Variants in AGAP1 observed in about 807,000 individuals in gnomAD.
AGAP1 encodes arf-GAP with GTPase, ANK repeat and PH domain-containing protein 1.
Under a neutral mutation model 105.3 loss-of-function variants are expected in AGAP1, and 29 were observed. The ratio of observed to expected loss-of-function variants is 0.28; its 90% CI spans 0.21 to 0.38. The LOEUF is 0.38. Ranked by LOEUF, AGAP1 falls within the 10% of genes least tolerant of loss-of-function variation. The pLI, the probability that AGAP1 is intolerant of heterozygous loss-of-function variation, is 1.00. For missense variants in AGAP1, 998 were observed against 1,165.1 expected (o/e 0.86, Z 2.09); for synonymous variants, 509 against 485.9 (o/e 1.05, Z -0.63).
Position 235,855,100 on chromosome 2 carries a change from G to C in AGAP1, c.1051-28245G>C, listed in dbSNP as rs970908847. 4.6e-5 allele frequency among the ~76,000 whole-genome samples: 7 copies of C among 152,214 alleles called. No individual in the cohort carries two copies. The highest frequency in any genetic ancestry group is 4.6e-4 in the Admixed American group (7 of 15,286). On this transcript the variant is annotated intron_variant, in intron 9 of 17. Coordinates refer to ENST00000304032, the MANE Select transcript of AGAP1 (RefSeq NM_001037131.3). This position sits in a 1 kb window ranked among gnomAD's most constrained non-coding sequence, Gnocchi z 5.0. ...TATTTCGTGAAGGAACAGAAAAGTA[G>C]AAAAGGTTTAAAGGCAAAAAAAGCT...
At chr2:235,812,849 C>T (rs955894141) in intron 9 of AGAP1, among the ~76,000 whole-genome samples, 1 of 152,238 alleles carries the variant, frequency 6.6e-6, no homozygotes, top group African/African-American at 2.4e-5. Flanking sequence ...CGATGTCCAC[C>T]CACGTGGCAA....
chr2:235,893,404 G>A lies in AGAP1; in HGVS notation c.1155+9955G>A, dbSNP rs189656975. Reference sequence around the variant, plus strand: ...GCTGTGTCTGTGGCGTGGGTGTAGCGTGTCTTTGGTGTGGGTGTGCCGTGT... The same window carrying A: ...GCTGTGTCTGTGGCGTGGGTGTAGCATGTCTTTGGTGTGGGTGTGCCGTGT... On this transcript the variant is annotated intron_variant, in intron 10 of 17. Transcript: ENST00000304032. The surrounding 1 kb of genome is among the most constrained non-coding windows in gnomAD (Gnocchi z 4.7). Among the ~76,000 whole-genome samples the A allele has an allele frequency of 1.0e-4, 15 of 148,528 alleles. No individual in the cohort carries two copies. The highest frequency in any genetic ancestry group is 7.4e-3 in the Middle Eastern group (2 of 272).
chr2:235,529,932 G>T (rs1007315695), intron 1 of AGAP1, among the ~76,000 whole-genome samples: 1 of 152,156 alleles, frequency 6.6e-6, no homozygotes, highest in Non-Finnish European at 1.5e-5. Context: ...GTCCTCTGGA[G>T]ATTGAAAGGT....
chr2:236,024,648 G>GA (rs1014371644), intron 13 of AGAP1, among the ~76,000 whole-genome samples: 1 of 151,562 alleles, frequency 6.6e-6, no homozygotes, highest in Non-Finnish European at 1.5e-5. Flanking sequence ...TAACCTTTAA[G>GA]AAAAAAAAAG....
At chr2:236,111,769 G>A (rs2125938266) in intron 16 of AGAP1, among the ~76,000 whole-genome samples, 1 of 145,088 alleles carries the variant, frequency 6.9e-6, no homozygotes, top group South Asian at 2.2e-4. Context: ...TCCAGCCTAG[G>A]CAACAGTGCG....
rs1945707630 is a variant in AGAP1 at position 235,600,908 on chromosome 2, A to G, written c.163+106059A>G. On this transcript the variant is annotated intron_variant, in intron 1 of 17. Coordinates refer to ENST00000304032, the MANE Select transcript of AGAP1 (RefSeq NM_001037131.3). This position sits in a 1 kb window ranked among gnomAD's most constrained non-coding sequence, Gnocchi z 4.8. ...CTCAGTATTAACCAGCATACCCACCATTGTTTCACCTGCAGCCTCCCCCAT... is the reference window on the plus strand; with the variant it reads ...CTCAGTATTAACCAGCATACCCACCGTTGTTTCACCTGCAGCCTCCCCCAT... Among the ~76,000 whole-genome samples, 1 of 152,034 alleles carries G rather than the reference A, an allele frequency of 6.6e-6. No individual in the cohort carries two copies. The highest frequency in any genetic ancestry group is 2.4e-5 in the African/African-American group (1 of 41,396).
chr2:235,548,834 TG>T (rs1388185191), intron 1 of AGAP1, among the ~76,000 whole-genome samples: 1 of 152,218 alleles, frequency 6.6e-6, no homozygotes. Flanking sequence ...AGGGGTGCTC[TG>T]GGACGTGGGT....
At chr2:235,704,623 C>T (rs1950432184) in intron 1 of AGAP1, among the ~76,000 whole-genome samples, 1 of 129,818 alleles carries the variant, frequency 7.7e-6, no homozygotes, top group Non-Finnish European at 1.8e-5. Context: ...TCCAGCCTGG[C>T]AACAGAGCGA....
rs1053282797 is a variant in AGAP1 at position 235,739,377 on chromosome 2, G to A, written c.311-1586G>A. ...TGCCTACGAGGACTCTCGATTCAGG[G>A]ACCCTGAGTCTTTGGGACCCTCGTG... On this transcript the variant is annotated intron_variant, in intron 3 of 17. Transcript: ENST00000304032. The surrounding 1 kb of genome is among the most constrained non-coding windows in gnomAD (Gnocchi z 5.3). Among the ~76,000 whole-genome samples, 1 of 152,216 alleles carries A rather than the reference G, an allele frequency of 6.6e-6. No individual in the cohort carries two copies. Among genetic ancestry groups the A allele is most frequent in the Non-Finnish European group, 1.5e-5 (1 of 68,046 alleles).
At chr2:235,856,195 A>G (rs1408241027) in intron 9 of AGAP1, among the ~76,000 whole-genome samples, 1 of 152,174 alleles carries the variant, frequency 6.6e-6, no homozygotes, top group Non-Finnish European at 1.5e-5. Flanking sequence ...TACAGGCGTG[A>G]GCCACCGCAC....
intron 9 of AGAP1, among the ~76,000 whole-genome samples, chr2:235,849,953 C>G (rs1232902675): frequency 6.6e-6 from 1 of 152,228 alleles, no homozygotes; most frequent in African/African-American, 2.4e-5. Flanking sequence ...TCTCACTTTT[C>G]CCTCTCAGCC....
In AGAP1 at chr2:235,719,786, T is replaced by G. The variant is rs1225160830; in HGVS notation, c.310+2142T>G. On this transcript the variant is annotated intron_variant, in intron 3 of 17. Coordinates refer to ENST00000304032, the MANE Select transcript of AGAP1 (RefSeq NM_001037131.3). The surrounding 1 kb of genome is among the most constrained non-coding windows in gnomAD (Gnocchi z 4.9). ...TGGCCTCTCACCTTTTGACTCGAGG[T>G]CCCAGGGATTGTTCTGTGGGAGTGT... Among the ~76,000 whole-genome samples the G allele has an allele frequency of 6.6e-6, 1 of 152,026 alleles. No individual in the cohort carries two copies. Among genetic ancestry groups the G allele is most frequent in the African/African-American group, 2.4e-5 (1 of 41,374 alleles).
intron 1 of AGAP1, among the ~76,000 whole-genome samples, chr2:235,647,532 C>T (rs543518124): frequency 6.6e-6 from 1 of 152,142 alleles, no homozygotes; most frequent in East Asian, 1.9e-4. Context: ...GGACTACAGG[C>T]GCACACCACC....
chr2:235,688,947 G>A (rs1446341975), intron 1 of AGAP1, among the ~76,000 whole-genome samples: 1 of 152,200 alleles, frequency 6.6e-6, no homozygotes, highest in Non-Finnish European at 1.5e-5. Flanking sequence ...CCGCACCCGT[G>A]TAACGTTCGC....
chr2:235,777,122 G>A lies in AGAP1; in HGVS notation c.674-20637G>A, dbSNP rs1955936858. The A allele has an allele frequency of 8.6e-6, 4 of 462,766 alleles. No homozygotes were observed. The highest frequency in any genetic ancestry group is 2.4e-5 in the Admixed American group (1 of 42,034). The allele number at this position is 462,766 out of a possible 1,614,324, so 28.7% of individuals were successfully genotyped here. A position where few individuals can be genotyped will look rare whatever the true frequency, so the allele number is the denominator to read the frequency against. On this transcript the variant is annotated intron_variant, in intron 6 of 17. Transcript: ENST00000304032. This position sits in a 1 kb window ranked among gnomAD's most constrained non-coding sequence, Gnocchi z 5.1. ...GCCTGTAATTCCAGCACTTTGAGAG[G>A]CCAAGGCGGGTGGATCACGAGGTCA...
At chr2:236,108,143 C>T (rs909738490) in intron 16 of AGAP1, among the ~76,000 whole-genome samples, 2 of 152,244 alleles carry the variant, frequency 1.3e-5, no homozygotes, top group Non-Finnish European at 2.9e-5. Flanking sequence ...TCCGCCTGAC[C>T]CCCTAGCAAC....
Position 235,732,503 on chromosome 2 carries a change from C to T in AGAP1, c.311-8460C>T, listed in dbSNP as rs866546710. Among the ~76,000 whole-genome samples the T allele has an allele frequency of 5.3e-5, 8 of 152,114 alleles. No homozygotes were observed. Among genetic ancestry groups the T allele is most frequent in the Non-Finnish European group, 8.8e-5 (6 of 68,036 alleles). ...TCTTAAGTCACACTGGAGTGGGAAG[C>T]GGTTGTAAGGGACTTCCTTCTGCTT... On this transcript the variant is annotated intron_variant, in intron 3 of 17. Coordinates refer to ENST00000304032, the MANE Select transcript of AGAP1 (RefSeq NM_001037131.3). This position sits in a 1 kb window ranked among gnomAD's most constrained non-coding sequence, Gnocchi z 4.8.
chr2:235,903,633 ACT>A (rs1364408965), intron 10 of AGAP1, among the ~76,000 whole-genome samples: 1 of 152,138 alleles, frequency 6.6e-6, no homozygotes, highest in Non-Finnish European at 1.5e-5. Flanking sequence ...ACTAAGATGA[ACT>A]CACCATTTAC....
chr2:235,638,546 A>G (rs1415304095), intron 1 of AGAP1, among the ~76,000 whole-genome samples: 2 of 152,396 alleles, frequency 1.3e-5, no homozygotes, highest in African/African-American at 2.4e-5. Flanking sequence ...AGTAGGTCAC[A>G]TATAAGCTCA....
Sources: allele counts gnomAD v4.1 joint callset (sites outside exome capture counted in the v4.1 genomes callset), GRCh38; gene constraint gnomAD v4.1.1; non-coding constraint Gnocchi (gnomAD v3.1); transcripts MANE v1.5; gene names NCBI Gene and HGNC (gene_info 2026-07-23, HGNC 2026-07-21).